THSD7A: variants seen among roughly 807,000 people sequenced by gnomAD.
THSD7A encodes thrombospondin type-1 domain-containing protein 7A.
Under a neutral mutation model 231.3 loss-of-function variants are expected in THSD7A, and 96 were observed. The ratio of observed to expected loss-of-function variants is 0.41; its 90% CI spans 0.35 to 0.49. THSD7A has a LOEUF of 0.49. THSD7A is among the 20% of genes least tolerant of loss of function. The pLI, the probability that THSD7A is intolerant of heterozygous loss-of-function variation, is 0.05. For synonymous variants in THSD7A, 940 were observed against 743.3 expected (o/e 1.26, Z -4.30); for missense variants, 2,290 against 2,070.2 (o/e 1.11, Z -2.06).
At chr7:11,449,722 G>A (rs1435574280) in intron 11 of THSD7A, among the ~76,000 whole-genome samples, 1 of 151,964 alleles carries the variant, frequency 6.6e-6, no homozygotes, top group Non-Finnish European at 1.5e-5. Flanking sequence ...TGATTTTGAA[G>A]TTCTTTCTAC....
intron 4 of THSD7A, among the ~76,000 whole-genome samples, chr7:11,555,346 T>C (rs1789801293): frequency 6.6e-6 from 1 of 152,022 alleles, no homozygotes; most frequent in Non-Finnish European, 1.5e-5. Context: ...ACATTGATTG[T>C]TTAGAAGTGT....
intron 6 of THSD7A, among the ~76,000 whole-genome samples, chr7:11,532,998 C>T (rs1462889056): frequency 6.6e-6 from 1 of 152,110 alleles, no homozygotes; most frequent in Non-Finnish European, 1.5e-5. Context: ...CTAGACAGGG[C>T]TTTTAAGAAT....
chr7:11,821,014 A>AG, intron 1 of THSD7A: 1 of 1,011,550 alleles, frequency 9.9e-7, no homozygotes, highest in Non-Finnish European at 1.5e-6. Flanking sequence ...TCAGCCTTGT[A>AG]GCCAGGTTTT....
At chr7:11,703,703 TTTC>T (rs1315520781) in intron 1 of THSD7A, among the ~76,000 whole-genome samples, 1 of 151,268 alleles carries the variant, frequency 6.6e-6, no homozygotes, top group Non-Finnish European at 1.5e-5. Context: ...GACCTTCTCT[TTTC>T]TTTTGATTTA....
chr7:11,385,211 CTTGA>C (rs1381448714), intron 23 of THSD7A: 2 of 150,466 alleles, frequency 1.3e-5, no homozygotes, highest in South Asian at 2.1e-4. Context: ...TATAAATTAT[CTTGA>C]TTGTCTAAAA....
At chr7:11,385,569 T>C (rs372166851) in intron 23 of THSD7A, 1 of 151,838 alleles carries the variant, frequency 6.6e-6, no homozygotes, top group Non-Finnish European at 1.5e-5. Context: ...ATAAATTACA[T>C]TAAGAGATTT....
intron 2 of THSD7A, among the ~76,000 whole-genome samples, chr7:11,595,982 T>C (rs1410142401): frequency 6.6e-6 from 1 of 152,216 alleles, no homozygotes; most frequent in Non-Finnish European, 1.5e-5. Context: ...AAGCCTACCG[T>C]ATTCCTACTT....
In THSD7A at chr7:11,603,126, C is replaced by T. The variant is rs550909649; in HGVS notation, c.1023-9624G>A. 7.2e-3 allele frequency among the ~76,000 whole-genome samples: 1,093 copies of T among 151,552 alleles called. 8 individuals are homozygous for T. Among genetic ancestry groups the T allele is most frequent in the Non-Finnish European group, 0.013 (894 of 67,920 alleles). Reference sequence around the variant, plus strand: ...TGGGAGAAAATTTTCGCAACCTACTCATCTGACAAAGGGCTAATATCCAGA... The same window carrying T: ...TGGGAGAAAATTTTCGCAACCTACTTATCTGACAAAGGGCTAATATCCAGA... On this transcript the variant is annotated intron_variant, in intron 2 of 27. Coordinates refer to ENST00000423059, the MANE Select transcript of THSD7A (RefSeq NM_015204.3).
rs145212709 is a variant in THSD7A at position 11,541,765 on chromosome 7, A to G, written c.1610-134T>C. ...CATTTCTGTTTTGAGTCACTGGTGT[A>G]TCCCCAAACTGTAGCTAATGTGAGG... On this transcript the variant is annotated intron_variant, in intron 5 of 27. Coordinates refer to ENST00000423059, the MANE Select transcript of THSD7A (RefSeq NM_015204.3). 3.1e-4 allele frequency: 235 copies of G among 756,982 alleles called. 1 individual carries two copies. In the African/African-American group the frequency reaches 3.9e-3, roughly 12 times the overall value. The allele number at this position is 756,982 out of a possible 1,614,324, so 46.9% of individuals were successfully genotyped here.
At chr7:11,727,184 CAT>C (rs763760432) in intron 1 of THSD7A, among the ~76,000 whole-genome samples, 10 of 152,020 alleles carry the variant, frequency 6.6e-5, no homozygotes, top group Non-Finnish European at 1.0e-4. Flanking sequence ...GCAGGGCATA[CAT>C]ATTTGCAAAT....
intron 1 of THSD7A, among the ~76,000 whole-genome samples, chr7:11,718,790 G>C (rs1250291134): frequency 1.3e-5 from 2 of 151,520 alleles, no homozygotes; most frequent in Middle Eastern, 6.3e-3. Context: ...TATAGTCCTA[G>C]TGGCACATTT....
rs1782104659 is a variant in THSD7A, at chr7:11,372,730, G to A, written c.*3064C>T. The stretch of plus-strand genomic sequence containing the variant: ...CTACATCTTTTACCCCCTCGGTGAG[G>A]TAAAAGTGTCAATAGAGAAGTTACT... On this transcript the variant is annotated 3_prime_UTR_variant, in exon 28 of 28. Coordinates refer to ENST00000423059, the MANE Select transcript of THSD7A (RefSeq NM_015204.3). 6.6e-6 allele frequency: 1 copy of A among 151,844 alleles called. No individual in the cohort carries two copies. The highest frequency in any genetic ancestry group is 1.5e-5 in the Non-Finnish European group (1 of 67,948). The allele number at this position is 151,844 out of a possible 1,614,324, so 9.4% of individuals were successfully genotyped here. A position where few individuals can be genotyped will look rare whatever the true frequency, so the allele number is the denominator to read the frequency against.
intron 1 of THSD7A, among the ~76,000 whole-genome samples, chr7:11,749,352 C>A (rs990298469): frequency 5.3e-5 from 8 of 151,902 alleles, no homozygotes; most frequent in Non-Finnish European, 1.0e-4. Flanking sequence ...CACATATCTC[C>A]CCCTTAATTC....
intron 1 of THSD7A, among the ~76,000 whole-genome samples, chr7:11,792,518 A>G (rs1783988301): frequency 6.6e-6 from 1 of 151,826 alleles, no homozygotes; most frequent in African/African-American, 2.4e-5. Flanking sequence ...CAGCTCCACC[A>G]CACAGGGCAA....
At chr7:11,621,772 T>C (rs1355047099) in intron 2 of THSD7A, among the ~76,000 whole-genome samples, 1 of 152,144 alleles carries the variant, frequency 6.6e-6, no homozygotes, top group African/African-American at 2.4e-5. Flanking sequence ...ATAAATTGTT[T>C]TGTAATGGAA....
At chr7:11,513,772 A>G (rs1220175477) in intron 6 of THSD7A, among the ~76,000 whole-genome samples, 2 of 152,208 alleles carry the variant, frequency 1.3e-5, no homozygotes, top group African/African-American at 4.8e-5. Context: ...GCACTTTAAA[A>G]TGGTTACTTT....
At chr7:11,765,126 T>C (rs1031486146) in intron 1 of THSD7A, among the ~76,000 whole-genome samples, 2 of 152,146 alleles carry the variant, frequency 1.3e-5, no homozygotes, top group African/African-American at 4.8e-5. Flanking sequence ...AAACTGATAC[T>C]GGAAAATGTG....
chr7:11,532,810 G>A (rs970881295), intron 6 of THSD7A, among the ~76,000 whole-genome samples: 3 of 152,126 alleles, frequency 2.0e-5, no homozygotes, highest in African/African-American at 4.8e-5. Flanking sequence ...TGTGCAATTG[G>A]AATTTAGAAG....
intron 1 of THSD7A, among the ~76,000 whole-genome samples, chr7:11,828,328 C>A (rs190785313): frequency 3.3e-4 from 51 of 152,284 alleles, no homozygotes; most frequent in African/African-American, 1.2e-3. Flanking sequence ...AGCTGCTGTG[C>A]CTTTTCACTT....
Sources: allele counts gnomAD v4.1 joint callset (sites outside exome capture counted in the v4.1 genomes callset), GRCh38; gene constraint gnomAD v4.1.1; transcripts MANE v1.5; gene names NCBI Gene and HGNC (gene_info 2026-07-23, HGNC 2026-07-21).